Variants in MAPT observed in about 807,000 individuals in gnomAD.
MAPT encodes the protein microtubule-associated protein tau.
Under a neutral mutation model 67.9 loss-of-function variants are expected in MAPT, and 34 were observed. That is an observed-to-expected ratio of 0.50 (90% CI 0.38 to 0.67). The LOEUF (loss-of-function observed/expected upper bound fraction) is 0.67. MAPT is among the 30% of genes least tolerant of loss of function. The pLI is 0.00. For synonymous variants in MAPT, 456 were observed against 464.5 expected (o/e 0.98, Z 0.23); for missense variants, 881 against 1,115.2 (o/e 0.79, Z 2.99).
At chr17:45,955,630 G>A (rs540252844) in intron 1 of MAPT, among the ~76,000 whole-genome samples, 5 of 152,300 alleles carry the variant, frequency 3.3e-5, no homozygotes, top group East Asian at 1.9e-4. Flanking sequence ...AAGCAACCCC[G>A]CCCCATGTGA....
chr17:45,943,997 C>T (rs2068229448), intron 1 of MAPT, among the ~76,000 whole-genome samples: 1 of 152,172 alleles, frequency 6.6e-6, no homozygotes, highest in Non-Finnish European at 1.5e-5. Context: ...CCTACTGGCT[C>T]CTGCTTTTCT....
chr17:45,924,434 T>C (rs2066069459), intron 1 of MAPT, among the ~76,000 whole-genome samples: 1 of 152,226 alleles, frequency 6.6e-6, no homozygotes, highest in Non-Finnish European at 1.5e-5. Context: ...TAGCTGCCCA[T>C]TCTCCCGGCC....
Position 45,996,381 on chromosome 17 carries a change from C to G in MAPT, c.1733-18C>G, listed in dbSNP as rs1435675211. ...CACCCACTCGAGTCCTGGCTTCACT[C>G]CCTTCCTTCCTTCCCAGGTGAACCT... On this transcript the variant is annotated intron_variant, in intron 8 of 12. Coordinates refer to ENST00000262410, the MANE Select transcript of MAPT (RefSeq NM_001377265.1). This position sits in a 1 kb window ranked among gnomAD's most constrained non-coding sequence, Gnocchi z 4.5. 12 of 1,609,434 alleles carry G rather than the reference C, an allele frequency of 7.5e-6. No individual in the cohort carries two copies. Among genetic ancestry groups the G allele is most frequent in the Non-Finnish European group, 1.0e-5 (12 of 1,179,732 alleles).
chr17:45,976,331 A>G (rs1424389808), intron 3 of MAPT: 1 of 150,434 alleles, frequency 6.6e-6, no homozygotes, highest in Admixed American at 6.7e-5. Flanking sequence ...GGTGTCCTCA[A>G]TGTATTGCCT....
chr17:45,961,890 C>A (rs1302097322), intron 1 of MAPT, among the ~76,000 whole-genome samples: 1 of 152,068 alleles, frequency 6.6e-6, no homozygotes, highest in Admixed American at 6.5e-5. Context: ...ATTCTCCTGC[C>A]TCAGCCTCCC....
chr17:45,968,055 G>T (rs962940509), intron 2 of MAPT, among the ~76,000 whole-genome samples: 3 of 151,932 alleles, frequency 2.0e-5, no homozygotes, highest in African/African-American at 4.8e-5. Context: ...CCTTCATCCT[G>T]TCCCCCACTG....
Position 45,921,591 on chromosome 17 carries a change from T to TA in MAPT, c.-18+26906dup, listed in dbSNP as rs546952046. ...ACTGGTGAGACCCCCAAGCCAATGA[T>TA]ACCACCTCACAGGAGTGCAGGCCCA... On this transcript the variant is annotated intron_variant, in intron 1 of 12. Transcript: ENST00000262410. Among the ~76,000 whole-genome samples, 3 of 152,322 alleles carry TA rather than the reference T, an allele frequency of 2.0e-5. No homozygotes were observed. In the East Asian group the frequency reaches 5.8e-4, roughly 29 times the overall value.
chr17:45,932,230 A>G (rs2066907275), intron 1 of MAPT: 1 of 152,208 alleles, frequency 6.6e-6, no homozygotes, highest in Admixed American at 6.5e-5. Flanking sequence ...ATGCAGGAAC[A>G]TGTGTTCTCA....
chr17:45,905,493 A>T, intron 1 of MAPT, among the ~76,000 whole-genome samples: 1 of 152,238 alleles, frequency 6.6e-6, no homozygotes, highest in East Asian at 1.9e-4. Flanking sequence ...AAATGCAAGA[A>T]AAAATTTTTA....
chr17:46,018,828 C>G, intron 12 of MAPT, 98 bp downstream of exon 12: 1 of 892,512 alleles, frequency 1.1e-6, no homozygotes, highest in Non-Finnish European at 1.9e-6. Context: ...AGGAGGAAAA[C>G]AGAGGCTTCT....
Position 45,931,423 on chromosome 17 carries a change from A to G in MAPT, c.-17-30898A>G, listed in dbSNP as rs553878933. 2.0e-5 allele frequency among the ~76,000 whole-genome samples: 3 copies of G among 152,322 alleles called. No individual in the cohort carries two copies. In the South Asian group the frequency reaches 6.2e-4, roughly 32 times the overall value. On this transcript the variant is annotated intron_variant, in intron 1 of 12. Coordinates refer to ENST00000262410, the MANE Select transcript of MAPT (RefSeq NM_001377265.1). ...GTAAATATTATACTACAAAAAAGGGAAAAAGCACAAGCATTTATTAAATAG... is the reference window on the plus strand; with the variant it reads ...GTAAATATTATACTACAAAAAAGGGGAAAAGCACAAGCATTTATTAAATAG...
chr17:45,999,662 TGTAGAAAGG>T, intron 9 of MAPT: 1 of 1,599,240 alleles, frequency 6.3e-7, no homozygotes, highest in Non-Finnish European at 8.5e-7. Context: ...TCATGCCAAG[TGTAGAAAGG>T]GGCAGATGGG....
chr17:45,983,498 T>C lies in MAPT; in HGVS notation c.919T>C (p.Ser307Pro). ...CGTCGATGAGTCCTCCCCCCAAGACTCCCCTCCCTCCAAGGCCTCCCCAGC... is the reference window on the plus strand; with the variant it reads ...CGTCGATGAGTCCTCCCCCCAAGACCCCCCTCCCTCCAAGGCCTCCCCAGC... ...RDVDESSPQDSPPSKASPAQD... is the reference protein window; with the variant it reads ...RDVDESSPQDPPPSKASPAQD... Residue 307 changes from serine to proline, a missense_variant, in exon 5 of 13, where the codon TCC becomes CCC. Transcript: ENST00000262410. 1 of 1,611,496 alleles carries C rather than the reference T, an allele frequency of 6.2e-7. No individual in the cohort carries two copies. Among genetic ancestry groups the C allele is most frequent in the South Asian group, 1.1e-5 (1 of 91,010 alleles).
chr17:45,983,436 G>C lies in MAPT; in HGVS notation c.857G>C (p.Arg286Thr), dbSNP rs991707258. The C allele has an allele frequency of 6.2e-7, 1 of 1,606,820 alleles. No homozygotes were observed. The highest frequency in any genetic ancestry group is 8.5e-7 in the Non-Finnish European group (1 of 1,175,920). The change falls in exon 5 of 13, where the codon AGG becomes ACG. Residue 286 changes from arginine (R) to threonine (T), a missense_variant. Around this residue, in one of 6 missense-constraint regions of MAPT, gnomAD observed 687 missense variants for 766.1 expected, o/e 0.90. Transcript: ENST00000262410. ...PPLKGAGGKERPGSKEEVDED... is the reference protein window; with the variant it reads ...PPLKGAGGKETPGSKEEVDED... ...CTGAAGGGGGCAGGGGGCAAAGAGAGGCCGGGGAGCAAGGAGGAGGTGGAT... is the reference window on the plus strand; with the variant it reads ...CTGAAGGGGGCAGGGGGCAAAGAGACGCCGGGGAGCAAGGAGGAGGTGGAT...
intron 1 of MAPT, among the ~76,000 whole-genome samples, chr17:45,919,223 G>A (rs2065467468): frequency 6.6e-6 from 1 of 152,090 alleles, no homozygotes; most frequent in South Asian, 2.1e-4. Context: ...CTCCCTACCT[G>A]CCTCCCCTCG....
intron 12 of MAPT, among the ~76,000 whole-genome samples, chr17:46,019,609 T>C (rs562718093): frequency 6.6e-6 from 1 of 151,174 alleles, no homozygotes; most frequent in South Asian, 2.1e-4. Context: ...GGTCAAGCAA[T>C]ATGCCCACCT....
intron 1 of MAPT, among the ~76,000 whole-genome samples, chr17:45,942,187 T>G (rs954059518): frequency 6.6e-6 from 1 of 152,246 alleles, no homozygotes; most frequent in African/African-American, 2.4e-5. Context: ...TACTCTAGTT[T>G]GTTTATTTGT....
At chr17:45,933,912 A>C (rs2067096825) in intron 1 of MAPT, among the ~76,000 whole-genome samples, 1 of 151,568 alleles carries the variant, frequency 6.6e-6, no homozygotes, top group African/African-American at 2.4e-5. Flanking sequence ...ACATTTGAGA[A>C]GGTTGAAATG....
rs568584975 is a variant in MAPT at position 46,009,536 on chromosome 17, G to A, written c.1999-774G>A. ...CCACGGGAGCATTTGCTCAGCTTCC[G>A]TTACGCACCTAGTGGCATTGTGGGT... is the stretch of plus-strand genomic sequence containing the variant. On this transcript the variant is annotated intron_variant, in intron 9 of 12. Transcript: ENST00000262410. Among the ~76,000 whole-genome samples, 32 of 113,452 alleles carry A rather than the reference G, an allele frequency of 2.8e-4. 3 individuals are homozygous for A. Among genetic ancestry groups the A allele is most frequent in the East Asian group, 2.7e-3 (14 of 5,172 alleles). 74.4% of individuals were successfully genotyped at this position (113,452 alleles called of 152,430 possible).
Sources: allele counts gnomAD v4.1 joint callset (sites outside exome capture counted in the v4.1 genomes callset), GRCh38; gene constraint gnomAD v4.1.1; regional missense constraint gnomAD v4.1.1; non-coding constraint Gnocchi (gnomAD v3.1); transcripts MANE v1.5; gene names NCBI Gene and HGNC (gene_info 2026-07-23, HGNC 2026-07-21).